TRAPPC11: variants seen among roughly 807,000 people sequenced by gnomAD.
The protein encoded by TRAPPC11 is trafficking protein particle complex subunit 11.
TRAPPC11 carries 104 observed loss-of-function variants against 151.2 expected under a neutral mutation model. The ratio of observed to expected loss-of-function variants is 0.69; its 90% CI spans 0.59 to 0.81. The LOEUF is 0.81. Ranked by LOEUF, TRAPPC11 falls within the 30% of genes least tolerant of loss-of-function variation. The probability of loss-of-function intolerance (pLI) is 0.00; values close to 1 mark genes in which losing one functional copy is unlikely to be tolerated. For synonymous variants in TRAPPC11, 456 were observed against 472.3 expected (o/e 0.97, Z 0.45); for missense variants, 1,230 against 1,349.6 (o/e 0.91, Z 1.39).
intron 18 of TRAPPC11, among the ~76,000 whole-genome samples, chr4:183,690,916 C>T (rs1425745957): frequency 6.6e-6 from 1 of 151,912 alleles, no homozygotes; most frequent in Non-Finnish European, 1.5e-5. Flanking sequence ...TACAGTGAGC[C>T]GAGATCATGC....
Position 183,711,722 on chromosome 4 carries a change from T to C in TRAPPC11, c.3358-878T>C, listed in dbSNP as rs190876275. 5.8e-4 allele frequency among the ~76,000 whole-genome samples: 59 copies of C among 101,060 alleles called. 1 individual carries two copies. Among genetic ancestry groups the C allele is most frequent in the African/African-American group, 1.6e-3 (57 of 35,100 alleles). 66.3% of individuals were successfully genotyped at this position (101,060 alleles called of 152,430 possible). A position where few individuals can be genotyped will look rare whatever the true frequency, so the allele number is the denominator to read the frequency against. On this transcript the variant is annotated intron_variant, in intron 29 of 29. Coordinates refer to ENST00000334690, the MANE Select transcript of TRAPPC11 (RefSeq NM_021942.6). ...AGTGCTGTCTTCACTGCCTCGGGAA[T>C]GCCTCAGAATCTTTCTGCTTAAAGC...
intron 19 of TRAPPC11, among the ~76,000 whole-genome samples, chr4:183,691,721 G>A (rs1350125231): frequency 6.6e-6 from 1 of 151,954 alleles, no homozygotes; most frequent in Non-Finnish European, 1.5e-5. Flanking sequence ...GCTGGCTTTT[G>A]TCATTTAATA....
intron 25 of TRAPPC11, chr4:183,700,993 G>T (rs13119773): frequency 0.076 from 11,560 of 152,168 alleles, 543 homozygotes; most frequent in Non-Finnish European, 0.1. Context: ...GACCACAGGT[G>T]CACGCCACCA....
chr4:183,712,103 C>G (rs1357989521), intron 29 of TRAPPC11, among the ~76,000 whole-genome samples: 1 of 152,156 alleles, frequency 6.6e-6, no homozygotes, highest in Non-Finnish European at 1.5e-5. Context: ...TTTTCTCAAA[C>G]AGGAGATTGG....
intron 22 of TRAPPC11, 92 bp from the exon 23 acceptor site, chr4:183,694,512 A>T: frequency 7.6e-7 from 1 of 1,312,090 alleles, no homozygotes. Flanking sequence ...TGGTATAAAT[A>T]AACTCTAGAA....
chr4:183,681,590 C>A (rs1017824921), intron 10 of TRAPPC11, among the ~76,000 whole-genome samples: 21 of 151,970 alleles, frequency 1.4e-4, no homozygotes, highest in Non-Finnish European at 2.6e-4. Context: ...ACCATCCTGG[C>A]TAACACGATG....
chr4:183,672,960 A>ATTTT (rs35637688), intron 5 of TRAPPC11, among the ~76,000 whole-genome samples: 1 of 131,018 alleles, frequency 7.6e-6, no homozygotes, highest in Non-Finnish European at 1.6e-5. Context: ...CCGTTCGCAA[A>ATTTT]TTTTTTTTTT....
At chr4:183,660,581 C>A (rs1401273824) in intron 1 of TRAPPC11, among the ~76,000 whole-genome samples, 1 of 152,010 alleles carries the variant, frequency 6.6e-6, no homozygotes, top group African/African-American at 2.4e-5. Context: ...ATTTTTAGTT[C>A]CTCTTATTTC....
chr4:183,661,661 G>A lies in TRAPPC11; in HGVS notation c.-21-2186G>A, dbSNP rs147037263. On this transcript the variant is annotated intron_variant, in intron 1 of 29. Transcript: ENST00000334690. ...GCTGGGATTACAGGCGTGAGCCACCGCGCCCGGCCAGATTACCTTTTAAAA... is the reference window on the plus strand; with the variant it reads ...GCTGGGATTACAGGCGTGAGCCACCACGCCCGGCCAGATTACCTTTTAAAA... 5.0e-3 allele frequency among the ~76,000 whole-genome samples: 759 copies of A among 151,542 alleles called. 8 individuals carry two copies. Among genetic ancestry groups the A allele is most frequent in the African/African-American group, 0.017 (712 of 41,342 alleles).
At chr4:183,679,750 A>G (rs1361045389) in intron 9 of TRAPPC11, among the ~76,000 whole-genome samples, 1 of 152,240 alleles carries the variant, frequency 6.6e-6, no homozygotes, top group Admixed American at 6.5e-5. Flanking sequence ...TCCTGGGGAT[A>G]TAGCAGTAAA....
chr4:183,684,606 C>G, intron 14 of TRAPPC11, 90 bp from the exon 15 acceptor site: 1 of 1,389,170 alleles, frequency 7.2e-7, no homozygotes, highest in South Asian at 1.4e-5. Flanking sequence ...TCTATACTTA[C>G]ATAAAATGAG....
At position 183,663,983 on chromosome 4, in the gene TRAPPC11, C is replaced by T. The variant is rs1425821427; in HGVS notation, c.116C>T (p.Ala39Val). Residue 39 changes from alanine (A) to valine (V), a missense_variant, in exon 2 of 30, where the codon GCC becomes GTC. Ala to Val is a moderately conservative substitution (Grantham distance 64). Transcript: ENST00000334690. ...GCAGTCCATCGAGCTGTCTGGGACG[C>T]CTTCTGTGCAAATCGGAGAGCTGAT... ...YNAVHRAVWD[A>V]FCANRRADRV... The T allele has an allele frequency of 6.2e-7, 1 of 1,614,024 alleles. No homozygotes were observed. Among genetic ancestry groups the T allele is most frequent in the Non-Finnish European group, 8.5e-7 (1 of 1,180,014 alleles).
chr4:183,702,719 C>A (rs915030137), intron 26 of TRAPPC11, among the ~76,000 whole-genome samples: 2 of 152,122 alleles, frequency 1.3e-5, no homozygotes, highest in Non-Finnish European at 2.9e-5. Flanking sequence ...CAGGAAGATT[C>A]AATTGTATCA....
intron 28 of TRAPPC11, among the ~76,000 whole-genome samples, chr4:183,707,326 CTA>C (rs1262615013): frequency 6.6e-6 from 1 of 151,756 alleles, no homozygotes; most frequent in East Asian, 1.9e-4. Context: ...GCCCATTTTT[CTA>C]TCAGTGAAGT....
At chr4:183,709,828 T>C (rs1237522748) in intron 29 of TRAPPC11, among the ~76,000 whole-genome samples, 2 of 152,170 alleles carry the variant, frequency 1.3e-5, no homozygotes, top group Admixed American at 6.5e-5. Context: ...GATATCCTTG[T>C]GTTTAAACGC....
At chr4:183,677,666 A>G in intron 8 of TRAPPC11, 112 bp downstream of exon 8, 1 of 665,246 alleles carries the variant, frequency 1.5e-6, no homozygotes, top group South Asian at 1.9e-5. Flanking sequence ...TATTTGATTA[A>G]TTATGATCTC....
chr4:183,708,928 T>C (rs1737210421), intron 29 of TRAPPC11, among the ~76,000 whole-genome samples: 1 of 152,210 alleles, frequency 6.6e-6, no homozygotes, highest in Non-Finnish European at 1.5e-5. Context: ...CCTGTAACTG[T>C]GTAATATTAG....
intron 23 of TRAPPC11, among the ~76,000 whole-genome samples, chr4:183,694,945 C>CTTT (rs34556587): frequency 1.1e-4 from 13 of 119,848 alleles, no homozygotes; most frequent in Admixed American, 1.8e-4. Context: ...TATGGCTTTT[C>CTTT]TTTTTTTTTT....
chr4:183,661,124 A>G (rs1327024260), intron 1 of TRAPPC11, among the ~76,000 whole-genome samples: 5 of 152,070 alleles, frequency 3.3e-5, no homozygotes, highest in Non-Finnish European at 5.9e-5. Context: ...AAATATTTAA[A>G]CAATTCTAAA....
Sources: gnomAD v4.1 joint callset for allele counts (sites outside exome capture counted in the v4.1 genomes callset) on GRCh38, gnomAD v4.1.1 for gene constraint, MANE v1.5 for transcripts, NCBI Gene and HGNC (gene_info 2026-07-23, HGNC 2026-07-21) for gene names.